TNIP3: variants seen among roughly 807,000 people sequenced by gnomAD.
TNIP3 encodes TNFAIP3-interacting protein 3.
A neutral mutation model predicts 54.1 loss-of-function variants in TNIP3; 34 were observed. The ratio of observed to expected loss-of-function variants is 0.63; its 90% CI spans 0.48 to 0.84. The LOEUF is 0.84. TNIP3 is among the 40% of genes least tolerant of loss of function. TNIP3 has a pLI of 0.00. For missense variants in TNIP3, 366 were observed against 387.6 expected, an observed-to-expected ratio of 0.94 and a Z score of 0.47; for synonymous variants, 134 against 136.8, an observed-to-expected ratio of 0.98 and a Z score of 0.14.
intron 2 of TNIP3, among the ~76,000 whole-genome samples, chr4:121,195,579 C>G (rs1725533805): frequency 6.6e-6 from 1 of 152,126 alleles, no homozygotes. Context: ...AGGGTCATGA[C>G]AATGTGGAGA....
At chr4:121,204,243 A>AC (rs1458604383) in intron 2 of TNIP3, among the ~76,000 whole-genome samples, 1 of 152,028 alleles carries the variant, frequency 6.6e-6, no homozygotes, top group Non-Finnish European at 1.5e-5. Context: ...ATTCAAAGTC[A>AC]CCCCTTTGTT....
chr4:121,169,562 A>G (rs1334636643), intron 3 of TNIP3, among the ~76,000 whole-genome samples: 1 of 152,124 alleles, frequency 6.6e-6, no homozygotes, highest in Admixed American at 6.5e-5. Context: ...CTCGAGCCCA[A>G]AGTAGTGCCA....
intron 7 of TNIP3, among the ~76,000 whole-genome samples, chr4:121,143,643 A>T (rs1404005375): frequency 6.6e-6 from 1 of 152,192 alleles, no homozygotes; most frequent in Non-Finnish European, 1.5e-5. Context: ...ATATTGAACC[A>T]CTGCTCCTAG....
At chr4:121,152,612 C>T (rs1294196461) in intron 5 of TNIP3, among the ~76,000 whole-genome samples, 1 of 152,128 alleles carries the variant, frequency 6.6e-6, no homozygotes, top group Non-Finnish European at 1.5e-5. Context: ...GAGCAAAGTC[C>T]TGTTCTAAGT....
intron 10 of TNIP3, 92 bp from the exon 11 acceptor site, chr4:121,132,754 G>GAAA: frequency 1.0e-6 from 1 of 995,950 alleles, no homozygotes; most frequent in Non-Finnish European, 1.5e-6. Flanking sequence ...TTCCAGGATG[G>GAAA]CAAAAAAAAA....
intron 9 of TNIP3, among the ~76,000 whole-genome samples, chr4:121,139,168 A>G (rs1419738490): frequency 3.3e-5 from 5 of 152,204 alleles, no homozygotes; most frequent in Admixed American, 1.3e-4. Flanking sequence ...GAAGTTCAGG[A>G]TGGTGAAGCA....
upstream of TNIP3, among the ~76,000 whole-genome samples, chr4:121,217,604 T>C (rs1726855779): frequency 6.6e-6 from 1 of 152,108 alleles, no homozygotes; most frequent in Non-Finnish European, 1.5e-5. Context: ...GTTTTAAAAA[T>C]GCAAAATTGC....
chr4:121,212,956 C>T (rs568196790), intron 2 of TNIP3, among the ~76,000 whole-genome samples: 1 of 152,232 alleles, frequency 6.6e-6, no homozygotes, highest in East Asian at 1.9e-4. Context: ...CATAAACATT[C>T]CTACACTTCT....
intron 3 of TNIP3, among the ~76,000 whole-genome samples, chr4:121,173,785 T>C (rs1301541436): frequency 6.6e-6 from 1 of 152,148 alleles, no homozygotes; most frequent in South Asian, 2.1e-4. Context: ...TGTGTCACCA[T>C]GCCCAGCTAA....
chr4:121,211,930 C>A (rs1289532746), intron 2 of TNIP3, among the ~76,000 whole-genome samples: 2 of 152,192 alleles, frequency 1.3e-5, no homozygotes, highest in Non-Finnish European at 2.9e-5. Context: ...TTATCAAAGA[C>A]ATTTCCATGG....
chr4:121,194,305 G>A (rs1011040234), intron 2 of TNIP3, among the ~76,000 whole-genome samples: 165 of 152,068 alleles, frequency 1.1e-3, no homozygotes, highest in African/African-American at 3.8e-3. Flanking sequence ...AAAATTTTTT[G>A]ATAAGTTTAA....
intron 2 of TNIP3, among the ~76,000 whole-genome samples, chr4:121,190,053 T>C (rs1281465700): frequency 6.6e-6 from 1 of 152,212 alleles, no homozygotes; most frequent in African/African-American, 2.4e-5. Flanking sequence ...CAGAGTTGTG[T>C]AGAAACCACA....
chr4:121,186,634 T>C (rs781365331), intron 2 of TNIP3, among the ~76,000 whole-genome samples: 2 of 152,242 alleles, frequency 1.3e-5, no homozygotes, highest in Non-Finnish European at 2.9e-5. Flanking sequence ...TGATGCCATA[T>C]GTACAATGCT....
intron 2 of TNIP3, among the ~76,000 whole-genome samples, chr4:121,205,204 G>A (rs1290514300): frequency 1.3e-5 from 2 of 152,136 alleles, no homozygotes; most frequent in African/African-American, 4.8e-5. Flanking sequence ...CTTATTGAAA[G>A]GTGACAATTG....
In TNIP3 at chr4:121,158,796, C is replaced by A. The variant is rs1484995161; in HGVS notation, c.148-44G>T. 2.0e-6 allele frequency: 3 copies of A among 1,504,204 alleles called. No individual in the cohort carries two copies. The African/African-American group carries it at 4.2e-5, about 21-fold the overall frequency. The allele number at this position is 1,504,204 out of a possible 1,614,324, so 93.2% of individuals were successfully genotyped here. A position where few individuals can be genotyped will look rare whatever the true frequency, so the allele number is the denominator to read the frequency against. On this transcript the variant is annotated intron_variant, in intron 2 of 10. Coordinates refer to ENST00000057513, the MANE Select transcript of TNIP3 (RefSeq NM_024873.6). ...GGTGAATCAACAAAGAATTTCTGCC[C>A]ATTTGGAAGTTTGGTCAAAAAGAAA...
upstream of TNIP3, among the ~76,000 whole-genome samples, chr4:121,218,489 A>C (rs949245083): frequency 1.3e-5 from 2 of 152,138 alleles, no homozygotes; most frequent in Admixed American, 1.3e-4. Flanking sequence ...TATCCCAGGC[A>C]TAATTATAAT....
chr4:121,220,436 C>G (rs554077129), upstream of TNIP3, among the ~76,000 whole-genome samples: 2 of 152,244 alleles, frequency 1.3e-5, no homozygotes, highest in Admixed American at 1.3e-4. Flanking sequence ...AATTTTAAGA[C>G]ATAAAGCAAT....
chr4:121,175,760 G>A (rs10015340), intron 3 of TNIP3, among the ~76,000 whole-genome samples: 52,469 of 152,148 alleles, frequency 0.34, 10,963 homozygotes, highest in African/African-American at 0.59. Context: ...TCTGTCCTGT[G>A]TAGAAATTTC....
chr4:121,186,377 C>T (rs1725021089), intron 2 of TNIP3, among the ~76,000 whole-genome samples: 1 of 152,170 alleles, frequency 6.6e-6, no homozygotes, highest in African/African-American at 2.4e-5. Context: ...TAAGGACTTG[C>T]ACTCACTGTC....
Sources: allele counts gnomAD v4.1 joint callset (sites outside exome capture counted in the v4.1 genomes callset), GRCh38; gene constraint gnomAD v4.1.1; transcripts MANE v1.5; gene names NCBI Gene and HGNC (gene_info 2026-07-23, HGNC 2026-07-21).